The following PPM1E variants were observed in gnomAD, a reference collection of about 807,000 sequenced individuals.
PPM1E encodes protein phosphatase, Mg2+/Mn2+ dependent 1E, also known as protein phosphatase 1E.
In PPM1E, 20 loss-of-function variants were observed where a neutral mutation model predicts 65.9. That is an observed-to-expected ratio of 0.30 (90% CI 0.21 to 0.44). PPM1E has a LOEUF of 0.44. PPM1E is among the 20% of genes least tolerant of loss of function. PPM1E has a pLI of 1.00. For missense variants in PPM1E, 713 were observed against 953.1 expected (o/e 0.75, Z 3.32); for synonymous variants, 352 against 374.9 (o/e 0.94, Z 0.70).
intron 6 of PPM1E, among the ~76,000 whole-genome samples, chr17:58,979,674 G>C (rs1005961512): frequency 3.3e-5 from 5 of 152,156 alleles, no homozygotes; most frequent in Admixed American, 2.0e-4. Flanking sequence ...TTTTAGATCT[G>C]ACATTGTTGT....
At chr17:58,952,754 A>G (rs1184089599) in intron 1 of PPM1E, among the ~76,000 whole-genome samples, 1 of 151,944 alleles carries the variant, frequency 6.6e-6, no homozygotes, top group Admixed American at 6.6e-5. Context: ...GCTCACTGCA[A>G]CCTCCACCTC....
At chr17:58,955,797 A>G (rs1411205569) in intron 2 of PPM1E, 30 bp downstream of exon 2, 1 of 1,559,430 alleles carries the variant, frequency 6.4e-7, no homozygotes, top group Admixed American at 2.2e-5. Context: ...ATTTGTTTAA[A>G]AATACTAGAA....
chr17:58,868,042 GT>G (rs1420627579), intron 1 of PPM1E, among the ~76,000 whole-genome samples: 3 of 152,272 alleles, frequency 2.0e-5, no homozygotes, highest in African/African-American at 7.2e-5. Context: ...AAGAGCTTGT[GT>G]TTGGGGCCAG....
At chr17:58,919,602 A>T (rs2051726336) in intron 1 of PPM1E, among the ~76,000 whole-genome samples, 2 of 152,140 alleles carry the variant, frequency 1.3e-5, no homozygotes, top group Non-Finnish European at 2.9e-5. Context: ...CCTGACCAAC[A>T]TGGAGAAACC....
chr17:58,821,570 C>T (rs1023969815), intron 1 of PPM1E, among the ~76,000 whole-genome samples: 1 of 152,158 alleles, frequency 6.6e-6, no homozygotes, highest in African/African-American at 2.4e-5. Flanking sequence ...TATAGATACA[C>T]ACACTCTGGG....
chr17:58,840,000 C>CAG (rs2050701943), intron 1 of PPM1E, among the ~76,000 whole-genome samples: 1 of 152,158 alleles, frequency 6.6e-6, no homozygotes, highest in Admixed American at 6.6e-5. Flanking sequence ...TAGAGGTACT[C>CAG]ACAGAACTCA....
intron 1 of PPM1E, among the ~76,000 whole-genome samples, chr17:58,833,578 G>C (rs578133788): frequency 6.6e-6 from 1 of 151,814 alleles, no homozygotes; most frequent in South Asian, 2.1e-4. Flanking sequence ...TTTTATGGCT[G>C]GATAGTATTC....
At chr17:58,880,505 A>T (rs1363955095) in intron 1 of PPM1E, among the ~76,000 whole-genome samples, 2 of 152,234 alleles carry the variant, frequency 1.3e-5, no homozygotes, top group Non-Finnish European at 2.9e-5. Flanking sequence ...AAATCTGACG[A>T]TATCTCCTGA....
chr17:58,799,972 A>C (rs1423776338), intron 1 of PPM1E, among the ~76,000 whole-genome samples: 1 of 152,166 alleles, frequency 6.6e-6, no homozygotes, highest in Non-Finnish European at 1.5e-5. Flanking sequence ...TTTCCATATA[A>C]ATTTTAAAAT....
At chr17:58,965,943 A>C in intron 3 of PPM1E, 50 bp downstream of exon 3, 1 of 1,531,058 alleles carries the variant, frequency 6.5e-7, no homozygotes, top group Non-Finnish European at 9.0e-7. Context: ...CAAAACAAAC[A>C]CCTTCATGGT....
Position 58,792,743 on chromosome 17 carries a change from C to CTTTTTTTTTTT in PPM1E, c.464+36301_464+36311dup, listed in dbSNP as rs780992600. Among the ~76,000 whole-genome samples, 90 of 76,380 alleles carry CTTTTTTTTTTT rather than the reference C, an allele frequency of 1.2e-3. 15 individuals are homozygous for CTTTTTTTTTTT. The highest frequency in any genetic ancestry group is 2.6e-3 in the African/African-American group (40 of 15,644). 50.1% of individuals were successfully genotyped at this position (76,380 alleles called of 152,430 possible). On this transcript the variant is annotated intron_variant, in intron 1 of 6. Coordinates refer to ENST00000308249, the MANE Select transcript of PPM1E (RefSeq NM_014906.5). Reference sequence around the variant, plus strand: ...TATTTTATTTTATAAGAATTTTACTCTTTTTTTTTTTTTTTTTTTTTTTTT... The same window carrying CTTTTTTTTTTT: ...TATTTTATTTTATAAGAATTTTACTCTTTTTTTTTTTTTTTTTTTTTTTTTTTTTTTTTTTT...
At chr17:58,950,646 G>GT (rs1484541912) in intron 1 of PPM1E, among the ~76,000 whole-genome samples, 1 of 150,500 alleles carries the variant, frequency 6.6e-6, no homozygotes, top group African/African-American at 2.4e-5. Context: ...TTCTGCCTGA[G>GT]TTTTTTCAAA....
intron 1 of PPM1E, among the ~76,000 whole-genome samples, chr17:58,894,153 G>A (rs1201335872): frequency 2.6e-5 from 4 of 151,960 alleles, no homozygotes; most frequent in Admixed American, 1.3e-4. Flanking sequence ...ACAGAGTCTC[G>A]CTCTGTCGCT....
At chr17:58,936,957 G>A (rs1026506164) in intron 1 of PPM1E, among the ~76,000 whole-genome samples, 4 of 151,902 alleles carry the variant, frequency 2.6e-5, no homozygotes, top group Non-Finnish European at 5.9e-5. Flanking sequence ...TGGAAAATAC[G>A]AATTGATTGG....
At chr17:58,780,245 A>T (rs781430648) in intron 1 of PPM1E, among the ~76,000 whole-genome samples, 2 of 152,218 alleles carry the variant, frequency 1.3e-5, no homozygotes, top group African/African-American at 2.4e-5. Flanking sequence ...GCCATGGCTC[A>T]CGCCTGTAAT....
Position 58,929,914 on chromosome 17 carries a change from CTCA to C in PPM1E, c.465-25730_465-25728del, listed in dbSNP as rs1322508501. ...GGGAAGTTAGCTTGTTTATTCTCAACTCATCATTTAAAATTCTGTTAGCTTTGG... is the reference window on the plus strand; with the variant it reads ...GGGAAGTTAGCTTGTTTATTCTCAACTCATTTAAAATTCTGTTAGCTTTGG... On this transcript the variant is annotated intron_variant, in intron 1 of 6. Transcript: ENST00000308249. Among the ~76,000 whole-genome samples the C allele has an allele frequency of 8.5e-5, 13 of 152,114 alleles. 1 individual carries two copies. The highest frequency in any genetic ancestry group is 8.5e-4 in the Admixed American group (13 of 15,264).
At chr17:58,834,579 A>T (rs191503357) in intron 1 of PPM1E, among the ~76,000 whole-genome samples, 82 of 152,222 alleles carry the variant, frequency 5.4e-4, no homozygotes, top group African/African-American at 1.9e-3. Flanking sequence ...ATAAATTGTG[A>T]GGTTTAGGTC....
chr17:58,963,908 TAAAG>T (rs2030128027), intron 2 of PPM1E, among the ~76,000 whole-genome samples: 1 of 151,400 alleles, frequency 6.6e-6, no homozygotes, highest in East Asian at 1.9e-4. Context: ...AAAATAAAAA[TAAAG>T]AAGACAAAAC....
intron 1 of PPM1E, among the ~76,000 whole-genome samples, chr17:58,947,233 CTTTTTTTT>C (rs71145507): frequency 2.2e-5 from 1 of 45,066 alleles, no homozygotes; most frequent in Non-Finnish European, 4.0e-5. Flanking sequence ...CACTCCTGGC[CTTTTTTTT>C]TTTTTTTTTT....
Sources: allele counts gnomAD v4.1 joint callset (sites outside exome capture counted in the v4.1 genomes callset), GRCh38; gene constraint gnomAD v4.1.1; transcripts MANE v1.5; gene names NCBI Gene and HGNC (gene_info 2026-07-23, HGNC 2026-07-21).